MNAT1: variants seen among roughly 807,000 people sequenced by gnomAD.
MNAT1 encodes CDK-activating kinase assembly factor MAT1.
MNAT1 carries 43 observed loss-of-function variants against 42.0 expected under a neutral mutation model. That is an observed-to-expected ratio of 1.02 (90% confidence interval 0.80 to 1.32). MNAT1 has a LOEUF of 1.32. MNAT1 is among the 40% of genes most tolerant of loss of function. MNAT1 has a pLI of 0.00. For missense variants in MNAT1, 306 were observed against 350.4 expected, an observed-to-expected ratio of 0.87 and a Z score of 1.01; for synonymous variants, 118 against 120.0, an observed-to-expected ratio of 0.98 and a Z score of 0.11.
intron 7 of MNAT1, among the ~76,000 whole-genome samples, chr14:60,893,974 A>G (rs566537694): frequency 1.5e-4 from 23 of 152,210 alleles, no homozygotes; most frequent in African/African-American, 5.3e-4. Context: ...GAGGCCAACA[A>G]TTTGTATCTG....
intron 7 of MNAT1, among the ~76,000 whole-genome samples, chr14:60,913,801 C>A (rs975297851): frequency 6.6e-6 from 1 of 152,170 alleles, no homozygotes; most frequent in Non-Finnish European, 1.5e-5. Context: ...GGCAGTCTGT[C>A]GGTGTTCAGA....
rs529428788 is a variant in MNAT1 at position 60,924,405 on chromosome 14, G to C, written c.810-43824G>C. 1.2e-3 allele frequency among the ~76,000 whole-genome samples: 176 copies of C among 144,134 alleles called. 1 individual carries two copies. The highest frequency in any genetic ancestry group is 4.3e-3 in the African/African-American group (171 of 39,562). The allele number at this position is 144,134 out of a possible 152,430, so 94.6% of individuals were successfully genotyped here. On this transcript the variant is annotated intron_variant, in intron 7 of 7. Transcript: ENST00000261245. ...GTTTAAAAAAAAAAAAAAAAAAACTGTACTCCATGCCTTGAAAATAGCAAA... is the reference window on the plus strand; with the variant it reads ...GTTTAAAAAAAAAAAAAAAAAAACTCTACTCCATGCCTTGAAAATAGCAAA...
intron 7 of MNAT1, among the ~76,000 whole-genome samples, chr14:60,909,023 T>C (rs1291614397): frequency 6.6e-6 from 1 of 152,196 alleles, no homozygotes; most frequent in African/African-American, 2.4e-5. Context: ...TTCTAACTGG[T>C]GTGAGATGGT....
rs545666484 is a variant in MNAT1 at position 60,888,399 on chromosome 14, G to C, written c.809+8564G>C. On this transcript the variant is annotated intron_variant, in intron 7 of 7. Transcript: ENST00000261245. ...AAAGCCTTTGACAAAATTCAACAAC[G>C]CTTCATGCTAGAAACTCTCAATAAA... Among the ~76,000 whole-genome samples the C allele has an allele frequency of 2.7e-4, 41 of 151,988 alleles. 1 individual carries two copies. In the South Asian group the frequency reaches 7.7e-3, roughly 28 times the overall value.
At chr14:60,957,124 G>A (rs1249094531) in intron 7 of MNAT1, among the ~76,000 whole-genome samples, 1 of 151,988 alleles carries the variant, frequency 6.6e-6, no homozygotes, top group African/African-American at 2.4e-5. Context: ...GTAGTGGCAT[G>A]TTTCTTCTAT....
In MNAT1 at chr14:60,969,064, A is replaced by G. The variant is rs949319271; in HGVS notation, c.*715A>G. 1 of 152,566 alleles carries G rather than the reference A, an allele frequency of 6.6e-6. No homozygotes were observed. The highest frequency in any genetic ancestry group is 2.4e-5 in the African/African-American group (1 of 41,468). The allele number at this position is 152,566 out of a possible 1,614,324, so 9.5% of individuals were successfully genotyped here. On this transcript the variant is annotated 3_prime_UTR_variant, in exon 8 of 8. Coordinates refer to ENST00000261245, the MANE Select transcript of MNAT1 (RefSeq NM_002431.4). ...GAAGTTAATAAAATTTAATACTTAAATGATACCTTTCACCTCCAATGTAAG... is the reference window on the plus strand; with the variant it reads ...GAAGTTAATAAAATTTAATACTTAAGTGATACCTTTCACCTCCAATGTAAG...
At chr14:60,859,162 A>G (rs180710817) in intron 6 of MNAT1, among the ~76,000 whole-genome samples, 1 of 152,210 alleles carries the variant, frequency 6.6e-6, no homozygotes, top group African/African-American at 2.4e-5. Flanking sequence ...TTCATCTGTC[A>G]TTCATGTAAG....
At chr14:60,817,717 CA>C (rs1300107594) in intron 5 of MNAT1, among the ~76,000 whole-genome samples, 1 of 152,152 alleles carries the variant, frequency 6.6e-6, no homozygotes, top group Admixed American at 6.5e-5. Context: ...GAAATGTTAA[CA>C]ATAGAGTTTC....
intron 7 of MNAT1, among the ~76,000 whole-genome samples, chr14:60,965,630 C>G (rs1248047842): frequency 6.6e-6 from 1 of 152,196 alleles, no homozygotes; most frequent in South Asian, 2.1e-4. Context: ...CAGTTAGTTG[C>G]ACAGTGGTTT....
intron 2 of MNAT1, 110 bp downstream of exon 2, chr14:60,796,479 T>C: frequency 1.0e-6 from 1 of 985,764 alleles, no homozygotes; most frequent in Non-Finnish European, 1.5e-6. Flanking sequence ...AGTAAATAAC[T>C]ATAAATTCAT....
At chr14:60,851,772 G>A (rs1035096417) in intron 6 of MNAT1, among the ~76,000 whole-genome samples, 5 of 151,912 alleles carry the variant, frequency 3.3e-5, no homozygotes, top group African/African-American at 9.7e-5. Flanking sequence ...TCACTGTTCC[G>A]CTCCCACTTA....
intron 6 of MNAT1, among the ~76,000 whole-genome samples, chr14:60,876,225 C>A (rs2034433324): frequency 1.3e-5 from 2 of 152,012 alleles, no homozygotes; most frequent in South Asian, 4.1e-4. Context: ...TTGGATTATT[C>A]TATGATAGTA....
intron 7 of MNAT1, among the ~76,000 whole-genome samples, chr14:60,951,266 CTTTTTTT>C (rs33970682): frequency 1.1e-5 from 1 of 87,892 alleles, no homozygotes; most frequent in South Asian, 4.6e-4. Flanking sequence ...CTTCCCCTCC[CTTTTTTT>C]TTTTTTTTTT....
At chr14:60,851,842 G>T (rs1161189992) in intron 6 of MNAT1, among the ~76,000 whole-genome samples, 1 of 152,064 alleles carries the variant, frequency 6.6e-6, no homozygotes, top group South Asian at 2.1e-4. Context: ...GAGAATGATG[G>T]CTTTCAGCTT....
At chr14:60,922,573 G>T (rs1230541595) in intron 7 of MNAT1, among the ~76,000 whole-genome samples, 2 of 151,918 alleles carry the variant, frequency 1.3e-5, no homozygotes, top group Non-Finnish European at 2.9e-5. Flanking sequence ...GATTGATCTT[G>T]GTTCTTACTA....
intron 1 of MNAT1, among the ~76,000 whole-genome samples, chr14:60,755,307 C>A (rs2030296389): frequency 6.6e-6 from 1 of 152,150 alleles, no homozygotes; most frequent in Non-Finnish European, 1.5e-5. Context: ...CCACACCTGG[C>A]TACTTTTTGT....
intron 1 of MNAT1, among the ~76,000 whole-genome samples, chr14:60,790,075 GTAAT>G (rs1355279126): frequency 2.6e-5 from 4 of 152,242 alleles, no homozygotes; most frequent in South Asian, 4.1e-4. Context: ...ATATCAAAGA[GTAAT>G]TGTGCAATGG....
At chr14:60,943,030 GT>G (rs2036204327) in intron 7 of MNAT1, among the ~76,000 whole-genome samples, 1 of 131,020 alleles carries the variant, frequency 7.6e-6, no homozygotes, top group Admixed American at 8.1e-5. Flanking sequence ...GTGTGTGTGT[GT>G]GTGTGTGTGT....
At chr14:60,839,861 T>C (rs1299223380) in intron 6 of MNAT1, among the ~76,000 whole-genome samples, 1 of 152,208 alleles carries the variant, frequency 6.6e-6, no homozygotes. Flanking sequence ...TGCCAGACCC[T>C]GCACTCACTC....
Sources: gnomAD v4.1 joint callset for allele counts (sites outside exome capture counted in the v4.1 genomes callset) on GRCh38, gnomAD v4.1.1 for gene constraint, MANE v1.5 for transcripts, NCBI Gene and HGNC (gene_info 2026-07-23, HGNC 2026-07-21) for gene names.